Variants in CDH18 observed in about 807,000 individuals in gnomAD.
CDH18 encodes cadherin 18.
Under a neutral mutation model 67.9 loss-of-function variants are expected in CDH18, and 31 were observed. That is an observed-to-expected ratio of 0.46 (90% CI 0.34 to 0.62). The LOEUF is 0.62. Among genes scored for constraint, CDH18 ranks in the 20% least tolerant of loss-of-function variants. The pLI, the probability that CDH18 is intolerant of heterozygous loss-of-function variation, is 0.01. For missense variants in CDH18, 890 were observed against 975.5 expected (o/e 0.91, Z 1.17); for synonymous variants, 362 against 347.2 (o/e 1.04, Z -0.48).
chr5:19,874,074 T>A (rs543734478), intron 2 of CDH18, among the ~76,000 whole-genome samples: 2 of 152,360 alleles, frequency 1.3e-5, no homozygotes, highest in South Asian at 4.1e-4. Flanking sequence ...CAGAAGTATG[T>A]CATTTCTCCA....
intron 1 of CDH18, among the ~76,000 whole-genome samples, chr5:20,464,119 A>T (rs1279348887): frequency 5.9e-5 from 9 of 152,136 alleles, no homozygotes; most frequent in Admixed American, 5.9e-4. Flanking sequence ...CTAACTGATG[A>T]GGCTGACACA....
chr5:20,301,985 C>G (rs1465391023), intron 1 of CDH18, among the ~76,000 whole-genome samples: 1 of 151,872 alleles, frequency 6.6e-6, no homozygotes, highest in Non-Finnish European at 1.5e-5. Context: ...GATGGCATAA[C>G]AAATTTTTTT....
At chr5:19,511,223 T>A (rs1200799442) in intron 10 of CDH18, among the ~76,000 whole-genome samples, 1 of 152,122 alleles carries the variant, frequency 6.6e-6, no homozygotes, top group Non-Finnish European at 1.5e-5. Flanking sequence ...TGATTGTAAG[T>A]TTCCTGAGGC....
intron 2 of CDH18, among the ~76,000 whole-genome samples, chr5:19,970,187 C>T (rs575125243): frequency 2.0e-5 from 3 of 151,386 alleles, no homozygotes; most frequent in South Asian, 2.1e-4. Flanking sequence ...ATGAAATAGA[C>T]AGAAAGAAGC....
chr5:19,890,034 C>A (rs1788622260), intron 2 of CDH18, among the ~76,000 whole-genome samples: 4 of 152,158 alleles, frequency 2.6e-5, no homozygotes, highest in Admixed American at 2.0e-4. Flanking sequence ...CAAATTACCA[C>A]AAACTTGGTA....
At chr5:20,352,624 CAAAAAAAAAAAA>C (rs35947411) in intron 1 of CDH18, among the ~76,000 whole-genome samples, 8 of 89,140 alleles carry the variant, frequency 9.0e-5, no homozygotes, top group Non-Finnish European at 1.7e-4. Flanking sequence ...ACTAAAAATA[CAAAAAAAAAAAA>C]AAAAAAAAAT....
intron 6 of CDH18, 48 bp from the exon 7 acceptor site, chr5:19,591,292 A>G: frequency 7.9e-7 from 1 of 1,270,854 alleles, no homozygotes; most frequent in Non-Finnish European, 1.1e-6. Flanking sequence ...TGTTCATGAA[A>G]TAATCTTACA....
intron 5 of CDH18, among the ~76,000 whole-genome samples, chr5:19,680,616 A>T (rs1760153129): frequency 6.6e-6 from 1 of 152,088 alleles, no homozygotes. Flanking sequence ...ATGTGAACAG[A>T]TACTTTTCGA....
At chr5:20,286,791 T>C (rs1449106812) in intron 1 of CDH18, among the ~76,000 whole-genome samples, 1 of 151,768 alleles carries the variant, frequency 6.6e-6, no homozygotes, top group Non-Finnish European at 1.5e-5. Context: ...TCCAGCTCAT[T>C]GAAACTGTTA....
intron 2 of CDH18, among the ~76,000 whole-genome samples, chr5:19,880,994 T>TG (rs962834153): frequency 1.1e-3 from 167 of 152,156 alleles, no homozygotes; most frequent in African/African-American, 3.8e-3. Flanking sequence ...CCTATAGCCC[T>TG]GCAGGGAGTC....
At chr5:19,706,559 A>G (rs927807944) in intron 5 of CDH18, among the ~76,000 whole-genome samples, 4 of 152,162 alleles carry the variant, frequency 2.6e-5, no homozygotes, top group Non-Finnish European at 5.9e-5. Flanking sequence ...TAGCTTATGT[A>G]CATGTATGTG....
chr5:20,419,508 C>T (rs1560983868), intron 1 of CDH18, among the ~76,000 whole-genome samples: 1 of 123,060 alleles, frequency 8.1e-6, no homozygotes, highest in Non-Finnish European at 1.6e-5. Flanking sequence ...TGGAGTCTCG[C>T]TCTGTCGCCC....
intron 1 of CDH18, among the ~76,000 whole-genome samples, chr5:20,285,808 T>C (rs768853555): frequency 4.0e-4 from 60 of 151,738 alleles, no homozygotes; most frequent in Non-Finnish European, 2.7e-4. Context: ...TCAATAAATA[T>C]GCATGTTGAA....
intron 2 of CDH18, among the ~76,000 whole-genome samples, chr5:20,090,902 A>G (rs1283009551): frequency 1.3e-5 from 2 of 151,688 alleles, no homozygotes; most frequent in Non-Finnish European, 2.9e-5. Context: ...GAAAATAATT[A>G]GCCAGGTGTG....
At chr5:20,009,995 T>A (rs559147718) in intron 2 of CDH18, among the ~76,000 whole-genome samples, 1 of 152,178 alleles carries the variant, frequency 6.6e-6, no homozygotes, top group Non-Finnish European at 1.5e-5. Flanking sequence ...CACTGAATAT[T>A]AACTATGAGA....
At chr5:19,939,980 G>A (rs1390438578) in intron 2 of CDH18, among the ~76,000 whole-genome samples, 4 of 151,760 alleles carry the variant, frequency 2.6e-5, no homozygotes, top group East Asian at 1.9e-4. Context: ...AAGCAAAAAT[G>A]CATAGTTCCT....
intron 2 of CDH18, among the ~76,000 whole-genome samples, chr5:20,172,220 AT>A (rs1218166707): frequency 1.3e-5 from 1 of 79,482 alleles, no homozygotes; most frequent in African/African-American, 5.4e-5. Context: ...ATATATATAT[AT>A]ATGTATATAT....
At chr5:19,901,786 T>C (rs1177027126) in intron 2 of CDH18, among the ~76,000 whole-genome samples, 3 of 151,928 alleles carry the variant, frequency 2.0e-5, no homozygotes, top group Non-Finnish European at 4.4e-5. Flanking sequence ...AAATAAATAG[T>C]AACTCACCAT....
At chr5:19,615,317 C>A (rs1324559840) in intron 5 of CDH18, among the ~76,000 whole-genome samples, 4 of 152,072 alleles carry the variant, frequency 2.6e-5, no homozygotes, top group African/African-American at 7.2e-5. Flanking sequence ...GGAACCCAGA[C>A]GCATTTTCTG....
Sources: gnomAD v4.1 joint callset for allele counts (sites outside exome capture counted in the v4.1 genomes callset) on GRCh38, gnomAD v4.1.1 for gene constraint, MANE v1.5 for transcripts, NCBI Gene and HGNC (gene_info 2026-07-23, HGNC 2026-07-21) for gene names.